Variants in ANLN observed in about 807,000 individuals in gnomAD.
ANLN encodes anillin, actin binding protein, also known as anillin.
A neutral mutation model predicts 135.1 loss-of-function variants in ANLN; 59 were observed. The ratio of observed to expected loss-of-function variants is 0.44; its 90% CI spans 0.35 to 0.54. The LOEUF (loss-of-function observed/expected upper bound fraction) is 0.54. Among genes scored for constraint, ANLN ranks in the 20% least tolerant of loss-of-function variants. ANLN has a pLI of 0.00. For missense variants in ANLN, 1,182 were observed against 1,340.0 expected (o/e 0.88, Z 1.84); for synonymous variants, 406 against 456.4 (o/e 0.89, Z 1.41).
intron 3 of ANLN, 108 bp downstream of exon 3, chr7:36,399,501 T>TTC: frequency 1.9e-6 from 2 of 1,028,536 alleles, no homozygotes; most frequent in Non-Finnish European, 2.8e-6. Flanking sequence ...GCTTTTGTTT[T>TTC]ATCTATATGT....
At chr7:36,424,358 A>G (rs1787996036) in intron 15 of ANLN, among the ~76,000 whole-genome samples, 187 bp from the exon 16 acceptor site, 1 of 152,198 alleles carries the variant, frequency 6.6e-6, no homozygotes, top group African/African-American at 2.4e-5. Flanking sequence ...GTGAGTTGTA[A>G]AACACGGAGG....
intron 15 of ANLN, among the ~76,000 whole-genome samples, chr7:36,424,311 GT>G (rs1231320189): frequency 1.3e-5 from 2 of 152,078 alleles, no homozygotes; most frequent in Non-Finnish European, 2.9e-5. Context: ...TCAAAGTGCA[GT>G]TTGAAAAATA....
chr7:36,434,136 C>G (rs377145554), intron 20 of ANLN, among the ~76,000 whole-genome samples: 13 of 152,176 alleles, frequency 8.5e-5, no homozygotes, highest in African/African-American at 3.1e-4. Flanking sequence ...TAGGTAATAC[C>G]TTGTTCTTTT....
At chr7:36,449,613 C>T in intron 22 of ANLN, 52 bp from the exon 23 acceptor site, 2 of 1,406,404 alleles carry the variant, frequency 1.4e-6, no homozygotes, top group South Asian at 1.4e-5. Flanking sequence ...TTAATGCTTA[C>T]TGACTTAAAT....
chr7:36,448,524 A>C (rs1401694674), intron 22 of ANLN, among the ~76,000 whole-genome samples: 1 of 152,176 alleles, frequency 6.6e-6, no homozygotes, highest in Non-Finnish European at 1.5e-5. Flanking sequence ...GCAGGTCTTA[A>C]GTGTTGGCAA....
At chr7:36,396,635 A>T (rs779506531) in intron 2 of ANLN, among the ~76,000 whole-genome samples, 1 of 152,184 alleles carries the variant, frequency 6.6e-6, no homozygotes, top group Non-Finnish European at 1.5e-5. Flanking sequence ...AAAATATTTT[A>T]AATTAATTGA....
intron 20 of ANLN, among the ~76,000 whole-genome samples, chr7:36,434,086 G>T (rs1788431322): frequency 6.6e-6 from 1 of 151,978 alleles, no homozygotes; most frequent in Non-Finnish European, 1.5e-5. Context: ...TTTAACTGTA[G>T]GCCAGATATT....
Position 36,406,183 on chromosome 7 carries a change from G to A in ANLN, c.490G>A (p.Asp164Asn). 1 of 1,584,000 alleles carries A rather than the reference G, an allele frequency of 6.3e-7. No homozygotes were observed. ...RRWDNDDMTD[D>N]IPESSLFSPM... ...CTCTTTTCTGAAAACATTTTCAGATGACATTCCTGAAAGCTCACTCTTCTC... is the reference window on the plus strand; with the variant it reads ...CTCTTTTCTGAAAACATTTTCAGATAACATTCCTGAAAGCTCACTCTTCTC... Residue 164 changes from aspartate to asparagine, a missense_variant and splice_region_variant, in exon 4 of 24, where the codon GAC (aspartate) becomes AAC (asparagine). Coordinates refer to ENST00000265748, the MANE Select transcript of ANLN (RefSeq NM_018685.5).
intron 1 of ANLN, chr7:36,390,248 A>G (rs1786379244): frequency 2.6e-6 from 2 of 761,158 alleles, no homozygotes; most frequent in Middle Eastern, 3.8e-4. Flanking sequence ...TCGGTCCTAC[A>G]GATAAAACTC....
chr7:36,433,486 C>T (rs767024396), intron 20 of ANLN, among the ~76,000 whole-genome samples: 1 of 151,866 alleles, frequency 6.6e-6, no homozygotes, highest in Non-Finnish European at 1.5e-5. Flanking sequence ...GCATTTTTAA[C>T]GGTTTGATTT....
At chr7:36,412,327 A>ATATAT (rs1491401014) in intron 7 of ANLN, among the ~76,000 whole-genome samples, 22 of 94,804 alleles carry the variant, frequency 2.3e-4, no homozygotes, top group East Asian at 4.5e-4. Context: ...ATATATATAT[A>ATATAT]TTTTTTTTTT....
At chr7:36,446,969 T>G (rs1206736539) in intron 22 of ANLN, among the ~76,000 whole-genome samples, 2 of 152,206 alleles carry the variant, frequency 1.3e-5, no homozygotes, top group South Asian at 4.1e-4. Context: ...TGTATAGTAG[T>G]TCCCCCTTAT....
intron 23 of ANLN, 117 bp from the exon 24 acceptor site, chr7:36,452,360 G>T: frequency 7.7e-7 from 1 of 1,296,942 alleles, no homozygotes; most frequent in Non-Finnish European, 1.1e-6. Flanking sequence ...CATAAAAGGT[G>T]GTTAAAGGTA....
At chr7:36,438,666 C>A (rs113703179) in intron 20 of ANLN, among the ~76,000 whole-genome samples, 3 of 152,314 alleles carry the variant, frequency 2.0e-5, no homozygotes, top group African/African-American at 7.2e-5. Context: ...ACTACCATGT[C>A]CAGCCAGCCC....
In ANLN at chr7:36,422,810, G is replaced by A; in HGVS notation, c.2476+1G>A. On this transcript the variant is annotated splice_donor_variant, in intron 14 of 23. Transcript: ENST00000265748. LOFTEE classifies it high-confidence loss of function. ...GTCTGCAGTACGGTTCAGAAACCAG[G>A]TATGGTGGTGATTTTTCTAGATTGT... The A allele has an allele frequency of 6.3e-7, 1 of 1,590,164 alleles. No homozygotes were observed.
chr7:36,428,380 C>T, intron 20 of ANLN: 1 of 1,264,100 alleles, frequency 7.9e-7, no homozygotes, highest in Non-Finnish European at 1.0e-6. Flanking sequence ...ATTTTCTTTG[C>T]TTGAAATTAA....
rs372354054 is a variant in ANLN, at chr7:36,435,060, C to T, written c.2884-4144C>T. Among the ~76,000 whole-genome samples, 15 of 152,178 alleles carry T rather than the reference C, an allele frequency of 9.9e-5. No homozygotes were observed. In the East Asian group the frequency reaches 2.7e-3, roughly 27 times the overall value. Reference sequence around the variant, plus strand: ...TCAAGGTTTCATGGGTTATAATATACATATATCAAAATTCATCAAACCCTA... The same window carrying T: ...TCAAGGTTTCATGGGTTATAATATATATATATCAAAATTCATCAAACCCTA... On this transcript the variant is annotated intron_variant, in intron 20 of 23. Coordinates refer to ENST00000265748, the MANE Select transcript of ANLN (RefSeq NM_018685.5).
intron 11 of ANLN, 106 bp downstream of exon 11, chr7:36,420,420 T>G (rs1436590289): frequency 7.0e-7 from 1 of 1,434,104 alleles, no homozygotes; most frequent in African/African-American, 1.4e-5. Context: ...CTCATCTGTA[T>G]AAAAGTTTGG....
At chr7:36,422,291 C>T (rs950133451) in intron 13 of ANLN, among the ~76,000 whole-genome samples, 4 of 151,938 alleles carry the variant, frequency 2.6e-5, no homozygotes, top group Non-Finnish European at 5.9e-5. Flanking sequence ...CATTCTCTCT[C>T]TCTCTCTCTC....
Sources: allele counts gnomAD v4.1 joint callset (sites outside exome capture counted in the v4.1 genomes callset), GRCh38; gene constraint gnomAD v4.1.1; transcripts MANE v1.5; gene names NCBI Gene and HGNC (gene_info 2026-07-23, HGNC 2026-07-21).